The following PKP1 variants were observed in gnomAD, a reference collection of about 807,000 sequenced individuals.
PKP1 encodes plakophilin 1.
Under a neutral mutation model 76.4 loss-of-function variants are expected in PKP1, and 27 were observed. The ratio of observed to expected loss-of-function variants is 0.35; its 90% confidence interval spans 0.26 to 0.49. The LOEUF (loss-of-function observed/expected upper bound fraction) is 0.49, where lower values mean the gene tolerates loss of function less well. PKP1 is among the 20% of genes least tolerant of loss of function. PKP1 has a pLI of 0.99. For missense variants in PKP1, 964 were observed against 955.2 expected (o/e 1.01, Z -0.12); for synonymous variants, 404 against 384.2 (o/e 1.05, Z -0.60).
At chr1:201,316,424 C>A in intron 3 of PKP1, 129 bp from the exon 4 acceptor site, 1 of 932,574 alleles carries the variant, frequency 1.1e-6, no homozygotes, top group Non-Finnish European at 1.6e-6. Flanking sequence ...TGGGCCTGGG[C>A]TGCCTTGTTC....
At chr1:201,310,564 G>C (rs1184665377) in intron 2 of PKP1, among the ~76,000 whole-genome samples, 2 of 152,342 alleles carry the variant, frequency 1.3e-5, no homozygotes, top group East Asian at 1.9e-4. Flanking sequence ...GGGAGAGCTG[G>C]TGGCAGTTCA....
At chr1:201,316,484 G>A (rs1328469940) in intron 3 of PKP1, 69 bp from the exon 4 acceptor site, 7 of 1,495,134 alleles carry the variant, frequency 4.7e-6, no homozygotes, top group Non-Finnish European at 4.5e-6. Flanking sequence ...GTGCTGGGAG[G>A]AATTCTGAGC....
chr1:201,319,909 C>A, intron 6 of PKP1: 1 of 1,609,376 alleles, frequency 6.2e-7, no homozygotes, highest in Non-Finnish European at 8.5e-7. Flanking sequence ...GCGGAGGGAC[C>A]GTTGCCACAT....
chr1:201,300,874 G>C lies in PKP1; in HGVS notation c.306+6829G>C, dbSNP rs1656209418. On this transcript the variant is annotated intron_variant, in intron 2 of 13. Transcript: ENST00000367324. Reference sequence around the variant, plus strand: ...GAGCTTTGAACTGAGTGTGCAAGGAGAGAGGGCTGCCCTTAGCAGACAGGA... The same window carrying C: ...GAGCTTTGAACTGAGTGTGCAAGGACAGAGGGCTGCCCTTAGCAGACAGGA... 3.3e-5 allele frequency among the ~76,000 whole-genome samples: 5 copies of C among 152,196 alleles called. No homozygotes were observed. The South Asian group carries it at 1.0e-3, about 32-fold the overall frequency.
chr1:201,322,088 G>A lies in PKP1; in HGVS notation c.1458G>A (p.Glu486=). Residue 486 remains glutamate, a synonymous_variant, in exon 8 of 14, where the codon GAG becomes GAA. Coordinates refer to ENST00000367324, the MANE Select transcript of PKP1 (RefSeq NM_001005337.3). ...ATAACGCCCGCAACGCCTACACCGA[G>A]AAGTCCTCCACTGGCTGCTTCAGCA... ...LEYNARNAYT[E]KSSTGCFSNK... is the part of the protein sequence containing the mutation. 7 of 1,613,136 alleles carry A rather than the reference G, an allele frequency of 4.3e-6. No individual in the cohort carries two copies. The highest frequency in any genetic ancestry group is 5.9e-6 in the Non-Finnish European group (7 of 1,180,018).
chr1:201,313,819 C>T (rs1322235461), intron 3 of PKP1, among the ~76,000 whole-genome samples: 1 of 152,174 alleles, frequency 6.6e-6, no homozygotes, highest in African/African-American at 2.4e-5. Flanking sequence ...AGTTTATGAA[C>T]AGAAAGAGGC....
chr1:201,298,704 G>C (rs1311547176), intron 2 of PKP1, among the ~76,000 whole-genome samples: 4 of 152,198 alleles, frequency 2.6e-5, no homozygotes, highest in Non-Finnish European at 4.4e-5. Flanking sequence ...TCTTGGCATT[G>C]TCCTATTCAT....
chr1:201,305,752 A>G (rs1019421542), intron 2 of PKP1, among the ~76,000 whole-genome samples: 7 of 152,132 alleles, frequency 4.6e-5, no homozygotes, highest in Admixed American at 6.5e-5. Flanking sequence ...CATCTGGCCC[A>G]GTGGGATCTT....
chr1:201,303,316 T>TG (rs1558186290), intron 2 of PKP1, among the ~76,000 whole-genome samples: 1 of 151,702 alleles, frequency 6.6e-6, no homozygotes, highest in Non-Finnish European at 1.5e-5. Context: ...GTTTTAGAGA[T>TG]GGGGTCTCAC....
In PKP1 at chr1:201,313,356, C is replaced by A. The variant is rs1207320070; in HGVS notation, c.497C>A (p.Thr166Asn). Residue 166 changes from threonine (T) to asparagine (N), a missense_variant, in exon 3 of 14, where the codon ACC becomes AAC. By Grantham distance (65) the Thr-to-Asn change is moderately conservative. Transcript: ENST00000367324. ...EPDLYCDPRG[T>N]LRKGTLGSKG... is the part of the protein sequence containing the mutation. The stretch of plus-strand genomic sequence containing the variant: ...GACCTCTACTGTGACCCACGGGGCA[C>A]CCTGCGCAAGGGCACGCTGGGCAGC... 2 of 1,584,458 alleles carry A rather than the reference C, an allele frequency of 1.3e-6. No homozygotes were observed. Among genetic ancestry groups the A allele is most frequent in the South Asian group, 2.3e-5 (2 of 86,920 alleles).
intron 7 of PKP1, among the ~76,000 whole-genome samples, chr1:201,321,213 G>A (rs1656929809): frequency 1.3e-5 from 2 of 152,184 alleles, no homozygotes; most frequent in Admixed American, 6.5e-5. Context: ...GGGCTGCTCA[G>A]CCTGCTTCCA....
In PKP1 at chr1:201,313,340, T is replaced by G. The variant is rs1317977405; in HGVS notation, c.481T>G (p.Cys161Gly). ...KASRSEPDLY[C>G]DPRGTLRKGT... ...GAGCCGCAGTGAGCCCGACCTCTAC[T>G]GTGACCCACGGGGCACCCTGCGCAA... The change falls in exon 3 of 14, where the codon TGT becomes GGT. Residue 161 changes from cysteine (C) to glycine (G), a missense_variant. By Grantham distance (159) the Cys-to-Gly change is radical. Coordinates refer to ENST00000367324, the MANE Select transcript of PKP1 (RefSeq NM_001005337.3). 1 of 1,589,642 alleles carries G rather than the reference T, an allele frequency of 6.3e-7. No homozygotes were observed. Among genetic ancestry groups the G allele is most frequent in the South Asian group, 1.1e-5 (1 of 87,494 alleles).
intron 12 of PKP1, among the ~76,000 whole-genome samples, chr1:201,327,633 CAG>C (rs1012021093): frequency 6.6e-6 from 1 of 151,930 alleles, no homozygotes; most frequent in African/African-American, 2.4e-5. Flanking sequence ...CTAAGACACA[CAG>C]AGAATCCACT....
At chr1:201,284,886 C>T (rs1424895183) in intron 1 of PKP1, among the ~76,000 whole-genome samples, 1 of 152,052 alleles carries the variant, frequency 6.6e-6, no homozygotes, top group Non-Finnish European at 1.5e-5. Context: ...GGCCAGATCC[C>T]ATGACTGGGG....
intron 2 of PKP1, among the ~76,000 whole-genome samples, chr1:201,306,086 A>G (rs1238984313): frequency 3.3e-5 from 5 of 152,252 alleles, no homozygotes; most frequent in Non-Finnish European, 5.9e-5. Flanking sequence ...AAAAGGAAAC[A>G]GACAGGTCTG....
chr1:201,328,602 A>G, intron 12 of PKP1, 160 bp from the exon 13 acceptor site: 2 of 707,418 alleles, frequency 2.8e-6, no homozygotes, highest in South Asian at 3.0e-5. Flanking sequence ...GTTTTGTTAC[A>G]CAGTTACTGA....
At chr1:201,304,813 G>A (rs1252568566) in intron 2 of PKP1, among the ~76,000 whole-genome samples, 1 of 152,234 alleles carries the variant, frequency 6.6e-6, no homozygotes, top group African/African-American at 2.4e-5. Flanking sequence ...AAAGACCTGA[G>A]TCCTGGCTTA....
chr1:201,321,914 T>C, intron 7 of PKP1, 64 bp from the exon 8 acceptor site: 1 of 1,589,530 alleles, frequency 6.3e-7, no homozygotes, highest in Non-Finnish European at 8.6e-7. Context: ...CTAGGGTAGG[T>C]GGTAGGCCAG....
At chr1:201,304,723 C>T (rs1226406339) in intron 2 of PKP1, among the ~76,000 whole-genome samples, 1 of 152,190 alleles carries the variant, frequency 6.6e-6, no homozygotes, top group Non-Finnish European at 1.5e-5. Flanking sequence ...GCTATAGAGA[C>T]TCTTTGCCCT....
Sources: allele counts gnomAD v4.1 joint callset (sites outside exome capture counted in the v4.1 genomes callset), GRCh38; gene constraint gnomAD v4.1.1; transcripts MANE v1.5; gene names NCBI Gene and HGNC (gene_info 2026-07-23, HGNC 2026-07-21).